MACF1: variants seen among roughly 807,000 people sequenced by gnomAD.
MACF1 encodes the protein microtubule-actin cross-linking factor 1.
A neutral mutation model predicts 854.8 loss-of-function variants in MACF1; 193 were observed. The observed-to-expected ratio is 0.23, with a 90% confidence interval of 0.20 to 0.25. MACF1 has a LOEUF of 0.25. Ranked by LOEUF, MACF1 falls within the 10% of genes least tolerant of loss-of-function variation. MACF1 has a pLI of 1.00. For missense variants in MACF1, 7,722 were observed against 8,929.1 expected (o/e 0.86, Z 5.45); for synonymous variants, 3,185 against 3,226.7 (o/e 0.99, Z 0.44).
At chr1:39,191,208 T>C (rs991869381) in intron 2 of MACF1, among the ~76,000 whole-genome samples, 3 of 151,406 alleles carry the variant, frequency 2.0e-5, no homozygotes, top group African/African-American at 7.3e-5. Flanking sequence ...TCTTTTTTTT[T>C]TTTTTTTTTT....
intron 2 of MACF1, among the ~76,000 whole-genome samples, chr1:39,169,772 T>C (rs112314598): frequency 1.7e-5 from 2 of 115,530 alleles, no homozygotes; most frequent in Non-Finnish European, 3.4e-5. Flanking sequence ...TTTCTTTCTT[T>C]CTTTTTTTTT....
rs1322149536 is a variant in MACF1, at chr1:39,333,615, T to A, written c.7027T>A (p.Ser2343Thr). ...QGFFDSQTCE[S>T]LTTEEVINEG... ...GTTCTTTGACTCTCAGACTTGTGAG[T>A]CTTTGACAACTGAAGAAGTCATTAA... The change falls in exon 37 of 101, where the codon TCT becomes ACT. Residue 2343 changes from serine (S) to threonine (T), a missense_variant. By Grantham distance (58) the Ser-to-Thr change is moderately conservative. This residue lies in a region of MACF1 where 1,531 missense variants were observed against 1,601.6 expected (regional missense o/e 0.96). Transcript: ENST00000564288. The A allele has an allele frequency of 1.2e-6, 2 of 1,614,158 alleles. No individual in the cohort carries two copies. The highest frequency in any genetic ancestry group is 1.7e-6 in the Non-Finnish European group (2 of 1,180,030).
intron 2 of MACF1, among the ~76,000 whole-genome samples, chr1:39,182,613 G>A (rs1644119499): frequency 6.6e-6 from 1 of 152,142 alleles, no homozygotes; most frequent in Non-Finnish European, 1.5e-5. Flanking sequence ...ATGCTTAGAT[G>A]CTTAACATCA....
intron 2 of MACF1, among the ~76,000 whole-genome samples, chr1:39,093,075 C>T (rs576322221): frequency 4.6e-5 from 7 of 152,214 alleles, no homozygotes; most frequent in South Asian, 2.1e-4. Flanking sequence ...TGAGCCACCG[C>T]GCCTGGCAAG....
intron 52 of MACF1, among the ~76,000 whole-genome samples, chr1:39,377,793 C>T (rs1308394464): frequency 6.6e-6 from 1 of 152,034 alleles, no homozygotes; most frequent in Non-Finnish European, 1.5e-5. Context: ...CACCTGAGGT[C>T]GGGAGTTTGA....
intron 56 of MACF1, 26 bp from the exon 57 acceptor site, chr1:39,385,408 A>T: frequency 6.2e-7 from 1 of 1,607,980 alleles, no homozygotes; most frequent in East Asian, 2.2e-5. Flanking sequence ...TCCTGTCTAA[A>T]CATCTTGGTG....
intron 2 of MACF1, among the ~76,000 whole-genome samples, chr1:39,121,893 C>G (rs1222966136): frequency 6.6e-6 from 1 of 152,134 alleles, no homozygotes; most frequent in Non-Finnish European, 1.5e-5. Context: ...GGGTTTTGAA[C>G]CCAGGCCCGA....
rs1480348619 is a variant in MACF1 at position 39,358,891 on chromosome 1, C to G, written c.12120+18C>G. On this transcript the variant is annotated intron_variant, in intron 46 of 100. Transcript: ENST00000564288. ...CAACAAAGGTAAGTCAGGACACAGG[C>G]TGTGTTGTGGTGTCAAGACCTTGTA... 2 of 1,596,300 alleles carry G rather than the reference C, an allele frequency of 1.3e-6. No homozygotes were observed. The highest frequency in any genetic ancestry group is 1.7e-6 in the Non-Finnish European group (2 of 1,173,876).
chr1:39,444,178 AC>A (rs1644176887), intron 79 of MACF1, among the ~76,000 whole-genome samples: 1 of 152,086 alleles, frequency 6.6e-6, no homozygotes, highest in Non-Finnish European at 1.5e-5. Flanking sequence ...TACTAAAAAT[AC>A]AAAAAATTAG....
intron 6 of MACF1, among the ~76,000 whole-genome samples, chr1:39,274,392 G>A (rs1015092592): frequency 2.6e-5 from 4 of 152,138 alleles, no homozygotes; most frequent in African/African-American, 4.8e-5. Flanking sequence ...ACCCATAACG[G>A]ATGGAAAATA....
At chr1:39,104,524 T>C (rs1036401760) in intron 2 of MACF1, among the ~76,000 whole-genome samples, 1 of 152,196 alleles carries the variant, frequency 6.6e-6, no homozygotes, top group Admixed American at 6.5e-5. Context: ...CCCACATTTC[T>C]CCCTTTTGAT....
intron 58 of MACF1, among the ~76,000 whole-genome samples, chr1:39,414,772 G>T (rs1643223337): frequency 6.6e-6 from 1 of 152,294 alleles, no homozygotes; most frequent in Non-Finnish European, 1.5e-5. Flanking sequence ...AGCAGGAAAG[G>T]GTCATTCTGT....
At chr1:39,295,670 CA>C (rs1645885290) in intron 19 of MACF1, 116 bp from the exon 20 acceptor site, 2 of 701,816 alleles carry the variant, frequency 2.8e-6, no homozygotes, top group Non-Finnish European at 4.8e-6. Context: ...AGTATCTCCA[CA>C]TCTTTTCTGT....
intron 2 of MACF1, among the ~76,000 whole-genome samples, chr1:39,162,339 A>G (rs1166265931): frequency 6.6e-6 from 1 of 152,160 alleles, no homozygotes; most frequent in Non-Finnish European, 1.5e-5. Flanking sequence ...AAAAACAAAA[A>G]AGAAGTATAC....
In MACF1 at chr1:39,422,494, A is replaced by G; in HGVS notation, c.15937A>G (p.Met5313Val). 4 of 1,614,058 alleles carry G rather than the reference A, an allele frequency of 2.5e-6. No homozygotes were observed. Among genetic ancestry groups the G allele is most frequent in the Non-Finnish European group, 3.4e-6 (4 of 1,179,992 alleles). ...DCDVQGLEHD[M>V]EEINARWNTL... ...TGATGTACAGGGTTTAGAACATGAC[A>G]TGGAAGAGATCAATGCTCGATGGAA... Residue 5313 changes from methionine to valine, a missense_variant, in exon 59 of 101, where the codon ATG becomes GTG. Coordinates refer to ENST00000564288, the MANE Select transcript of MACF1 (RefSeq NM_001394062.1).
At chr1:39,281,842 C>G (rs1645552449) in intron 6 of MACF1, among the ~76,000 whole-genome samples, 1 of 152,278 alleles carries the variant, frequency 6.6e-6, no homozygotes, top group South Asian at 2.1e-4. Flanking sequence ...TTTCTGATGA[C>G]TTCCTATCAA....
At chr1:39,293,885 C>T (rs1645845600) in intron 18 of MACF1, among the ~76,000 whole-genome samples, 1 of 151,994 alleles carries the variant, frequency 6.6e-6, no homozygotes, top group Non-Finnish European at 1.5e-5. Context: ...ATTTCAGAAG[C>T]AATACAGCAT....
intron 20 of MACF1, among the ~76,000 whole-genome samples, 158 bp from the exon 21 acceptor site, chr1:39,297,462 G>C (rs975381058): frequency 1.3e-5 from 2 of 152,120 alleles, no homozygotes; most frequent in Non-Finnish European, 2.9e-5. Flanking sequence ...TAAGCCCTTC[G>C]GTTTATGTTT....
chr1:39,185,535 A>G (rs886550625), intron 2 of MACF1, among the ~76,000 whole-genome samples: 3 of 152,074 alleles, frequency 2.0e-5, no homozygotes, highest in African/African-American at 7.2e-5. Flanking sequence ...AAATAAACCC[A>G]AGATATATCA....
Sources: gnomAD v4.1 joint callset for allele counts (sites outside exome capture counted in the v4.1 genomes callset) on GRCh38, gnomAD v4.1.1 for gene constraint, gnomAD v4.1.1 regional missense constraint, MANE v1.5 for transcripts, NCBI Gene and HGNC (gene_info 2026-07-23, HGNC 2026-07-21) for gene names.